Variants in THOC5 observed in about 807,000 individuals in gnomAD.
THOC5 encodes the protein THO complex subunit 5.
A neutral mutation model predicts 92.9 loss-of-function variants in THOC5; 43 were observed. The ratio of observed to expected loss-of-function variants is 0.46; its 90% confidence interval spans 0.36 to 0.60. THOC5 has a LOEUF of 0.60. THOC5 is among the 20% of genes least tolerant of loss of function. THOC5 has a pLI of 0.00. For missense variants in THOC5, 659 were observed against 849.4 expected (o/e 0.78, Z 2.79); for synonymous variants, 296 against 320.1 (o/e 0.92, Z 0.80).
Position 29,544,503 on chromosome 22 carries a change from A to G in THOC5, c.197T>C (p.Met66Thr), listed in dbSNP as rs760624772. ...KYTCQELQRL[M>T]AEIQDLKSRG... The stretch of plus-strand genomic sequence containing the variant: ...GCTCTTCAGGTCTTGGATCTCAGCC[A>G]TCAGCCTCTGTAGCTCCTGGCAGGT... The change falls in exon 3 of 20, where the codon ATG becomes ACG. Residue 66 changes from methionine to threonine, a missense_variant. Met to Thr is a moderately conservative substitution (Grantham distance 81, BLOSUM62 -1). Coordinates refer to ENST00000490103, the MANE Select transcript of THOC5 (RefSeq NM_003678.5). The G allele has an allele frequency of 5.0e-6, 8 of 1,613,970 alleles. No individual in the cohort carries two copies. The highest frequency in any genetic ancestry group is 6.8e-6 in the Non-Finnish European group (8 of 1,180,024).
chr22:29,550,849 G>A (rs757772577), intron 1 of THOC5: 2 of 152,170 alleles, frequency 1.3e-5, no homozygotes, highest in African/African-American at 2.4e-5. Flanking sequence ...AACACCTAAG[G>A]AGAAAGTTAA....
At chr22:29,547,699 C>T (rs2064052002) in intron 2 of THOC5, among the ~76,000 whole-genome samples, 1 of 152,156 alleles carries the variant, frequency 6.6e-6, no homozygotes, top group Non-Finnish European at 1.5e-5. Flanking sequence ...TTCAACAAGT[C>T]TCTAGGAGGT....
intron 5 of THOC5, among the ~76,000 whole-genome samples, chr22:29,541,884 A>ATT: frequency 1.5e-5 from 1 of 64,804 alleles, no homozygotes; most frequent in East Asian, 8.7e-4. Context: ...AAAAAAAAAA[A>ATT]AAAAAAAAAA....
intron 12 of THOC5, among the ~76,000 whole-genome samples, chr22:29,523,842 G>A (rs976632876): frequency 9.2e-5 from 14 of 152,170 alleles, no homozygotes; most frequent in African/African-American, 2.7e-4. Flanking sequence ...ATGATAGTAT[G>A]AGATTCAAGA....
rs1210709155 is a variant in THOC5 at position 29,544,583 on chromosome 22, C to T, written c.117G>A (p.Glu39=). Residue 39 remains glutamate (E), a synonymous_variant, in exon 3 of 20, where the codon GAG becomes GAA. Coordinates refer to ENST00000490103, the MANE Select transcript of THOC5 (RefSeq NM_003678.5). The part of the protein sequence containing the change: ...DTEQEGKYYS[E]EAEVDLRDPG... ...GGTCCCGCAGATCCACCTCGGCCTC[C>T]TCACTGTAGTATTTACCTTCCTGTA... 6.2e-6 allele frequency: 10 copies of T among 1,612,916 alleles called. No individual in the cohort carries two copies. The highest frequency in any genetic ancestry group is 1.1e-5 in the South Asian group (1 of 90,862).
At chr22:29,511,441 A>T in intron 18 of THOC5, 145 bp from the exon 19 acceptor site, 1 of 803,904 alleles carries the variant, frequency 1.2e-6, no homozygotes, top group Non-Finnish European at 1.9e-6. Context: ...ATCAAGCTAG[A>T]CTGGCTTGTC....
intron 1 of THOC5, among the ~76,000 whole-genome samples, chr22:29,552,435 C>A (rs1009850241): frequency 1.3e-5 from 2 of 151,444 alleles, no homozygotes; most frequent in African/African-American, 4.8e-5. Context: ...TGCCCGGCTG[C>A]GACCCCGTCT....
At position 29,535,461 on chromosome 22, in the gene THOC5, G is replaced by C. The variant is rs142909911; in HGVS notation, c.714+1163C>G. 2.6e-5 allele frequency: 4 copies of C among 152,110 alleles called. No homozygotes were observed. In the East Asian group the frequency reaches 7.7e-4, roughly 29 times the overall value. The allele number at this position is 152,110 out of a possible 1,614,324, so 9.4% of individuals were successfully genotyped here. A position where few individuals can be genotyped will look rare whatever the true frequency, so the allele number is the denominator to read the frequency against. On this transcript the variant is annotated intron_variant, in intron 7 of 19. Transcript: ENST00000490103. Reference sequence around the variant, plus strand: ...TACCGCATATACCCAACTCCTACTTGTATATATCCCTACAGATACTTTGTA... The same window carrying C: ...TACCGCATATACCCAACTCCTACTTCTATATATCCCTACAGATACTTTGTA...
chr22:29,514,793 C>A (rs2063302155), intron 17 of THOC5, among the ~76,000 whole-genome samples: 1 of 151,052 alleles, frequency 6.6e-6, no homozygotes, highest in South Asian at 2.1e-4. Context: ...CAAGCTCGAA[C>A]CTTCCGGGTT....
chr22:29,522,871 C>T lies in THOC5; in HGVS notation c.1176-1772G>A, dbSNP rs145506827. ...CAAAAATTAGCCCAGCATGGTGGCA[C>T]GCGCCTGTAGTCCCAGCTACTTGGG... On this transcript the variant is annotated intron_variant, in intron 12 of 19. Transcript: ENST00000490103. 1.1e-3 allele frequency among the ~76,000 whole-genome samples: 173 copies of T among 152,050 alleles called. 1 individual carries two copies. In the East Asian group the frequency reaches 0.026, roughly 23 times the overall value.
intron 6 of THOC5, among the ~76,000 whole-genome samples, chr22:29,538,609 G>A (rs1372524491): frequency 6.6e-6 from 1 of 151,122 alleles, no homozygotes; most frequent in Non-Finnish European, 1.5e-5. Context: ...ACCAGCCTGG[G>A]TAACAGAGTG....
chr22:29,509,169 A>G (rs1450669176), intron 19 of THOC5, among the ~76,000 whole-genome samples: 1 of 151,620 alleles, frequency 6.6e-6, no homozygotes, highest in Non-Finnish European at 1.5e-5. Flanking sequence ...TGGAGACACA[A>G]CAAAGCCCTT....
At position 29,524,567 on chromosome 22, in the gene THOC5, G is replaced by A. The variant is rs1025415554; in HGVS notation, c.1175+1271C>T. 2.0e-5 allele frequency among the ~76,000 whole-genome samples: 3 copies of A among 152,128 alleles called. No individual in the cohort carries two copies. In the East Asian group the frequency reaches 5.8e-4, roughly 29 times the overall value. Reference sequence around the variant, plus strand: ...TGATGAGCTCTACCACGATCTGGGGGCCCTGGAACTCCTCAATGAACTGAG... The same window carrying A: ...TGATGAGCTCTACCACGATCTGGGGACCCTGGAACTCCTCAATGAACTGAG... On this transcript the variant is annotated intron_variant, in intron 12 of 19. Coordinates refer to ENST00000490103, the MANE Select transcript of THOC5 (RefSeq NM_003678.5).
At chr22:29,549,877 C>T (rs1368299513) in intron 1 of THOC5, among the ~76,000 whole-genome samples, 1 of 152,080 alleles carries the variant, frequency 6.6e-6, no homozygotes, top group African/African-American at 2.4e-5. Flanking sequence ...CTATATCCTT[C>T]AAGACTAAGC....
chr22:29,524,826 T>C (rs2063511852), intron 12 of THOC5, among the ~76,000 whole-genome samples: 1 of 152,166 alleles, frequency 6.6e-6, no homozygotes, highest in Non-Finnish European at 1.5e-5. Context: ...AGAGCCCTGC[T>C]CTACCAGGCA....
intron 5 of THOC5, among the ~76,000 whole-genome samples, chr22:29,542,502 G>A (rs1039004819): frequency 3.9e-5 from 6 of 152,178 alleles, no homozygotes; most frequent in Non-Finnish European, 7.3e-5. Context: ...GGTGGCTCAC[G>A]CCTGTAATCC....
At chr22:29,546,567 G>A (rs930251803) in intron 2 of THOC5, among the ~76,000 whole-genome samples, 2 of 145,032 alleles carry the variant, frequency 1.4e-5, no homozygotes, top group Non-Finnish European at 3.0e-5. Flanking sequence ...ATTACAGTGG[G>A]TAGCTGGGAT....
chr22:29,523,596 C>T (rs1569215587), intron 12 of THOC5, among the ~76,000 whole-genome samples: 3 of 152,174 alleles, frequency 2.0e-5, no homozygotes, highest in East Asian at 1.9e-4. Flanking sequence ...ACAGAGCAAA[C>T]GACCCATTTT....
intron 2 of THOC5, among the ~76,000 whole-genome samples, chr22:29,547,116 T>C (rs2146563875): frequency 6.6e-6 from 1 of 152,282 alleles, no homozygotes; most frequent in African/African-American, 2.4e-5. Context: ...AGTGCTAGGA[T>C]TATAGGCGTG....
Sources: gnomAD v4.1 joint callset for allele counts (sites outside exome capture counted in the v4.1 genomes callset) on GRCh38, gnomAD v4.1.1 for gene constraint, MANE v1.5 for transcripts, NCBI Gene and HGNC (gene_info 2026-07-23, HGNC 2026-07-21) for gene names.